Variants in GALNT1 observed in about 807,000 individuals in gnomAD.
GALNT1 encodes polypeptide N-acetylgalactosaminyltransferase 1, also known as GalNAc transferase 1.
GALNT1 carries 17 observed loss-of-function variants against 65.7 expected under a neutral mutation model. The ratio of observed to expected loss-of-function variants is 0.26; its 90% CI spans 0.18 to 0.39. The LOEUF is 0.39. GALNT1 is among the 10% of genes least tolerant of loss of function. GALNT1 has a pLI of 1.00. For synonymous variants in GALNT1, 210 were observed against 219.7 expected (o/e 0.96, Z 0.39); for missense variants, 460 against 672.8 (o/e 0.68, Z 3.50).
At chr18:35,709,496 C>T (rs1407818332) in intron 11 of GALNT1, 128 bp from the exon 12 acceptor site, 33 of 814,554 alleles carry the variant, frequency 4.1e-5, no homozygotes, top group Admixed American at 5.7e-5. Flanking sequence ...ACCTTTTCTC[C>T]GTTGTCTTTT....
chr18:35,614,766 A>G lies in GALNT1; in HGVS notation c.-104+32904A>G, dbSNP rs187143743. On this transcript the variant is annotated intron_variant, in intron 1 of 11. Coordinates refer to ENST00000269195, the MANE Select transcript of GALNT1 (RefSeq NM_020474.4). ...CATCCAGAATCTGCAAGGAATGCCAATTAATCAACAAGAAGATCATTATGG... is the reference window on the plus strand; with the variant it reads ...CATCCAGAATCTGCAAGGAATGCCAGTTAATCAACAAGAAGATCATTATGG... 8.6e-4 allele frequency among the ~76,000 whole-genome samples: 131 copies of G among 152,312 alleles called. 2 individuals are homozygous for G. The East Asian group carries it at 0.014, about 16-fold the overall frequency.
chr18:35,636,791 T>TTTTG (rs1388242007), intron 1 of GALNT1, among the ~76,000 whole-genome samples: 2 of 146,256 alleles, frequency 1.4e-5, no homozygotes, highest in African/African-American at 5.1e-5. Flanking sequence ...TTGTTTTTTT[T>TTTTG]TTTTTTTTTT....
chr18:35,632,175 T>C (rs2047022895), intron 1 of GALNT1, among the ~76,000 whole-genome samples: 1 of 152,198 alleles, frequency 6.6e-6, no homozygotes, highest in African/African-American at 2.4e-5. Context: ...CCAATGACTT[T>C]CTTCACAGAA....
At chr18:35,615,887 C>T (rs2046777794) in intron 1 of GALNT1, among the ~76,000 whole-genome samples, 1 of 152,162 alleles carries the variant, frequency 6.6e-6, no homozygotes, top group Non-Finnish European at 1.5e-5. Context: ...CAGAGGTTGG[C>T]AGACTTTTCT....
At chr18:35,692,406 A>G in intron 9 of GALNT1, 86 bp downstream of exon 9, 1 of 827,514 alleles carries the variant, frequency 1.2e-6, no homozygotes, top group Non-Finnish European at 1.7e-6. Context: ...TTAAACTTCC[A>G]ATAAGGAAAG....
rs551499146 is a variant in GALNT1 at position 35,650,527 on chromosome 18, G to A, written c.-103-4033G>A. Among the ~76,000 whole-genome samples, 3 of 152,314 alleles carry A rather than the reference G, an allele frequency of 2.0e-5. No homozygotes were observed. The East Asian group carries it at 5.8e-4, about 29-fold the overall frequency. ...TTTCCTCGTCCTAATAAGCCTGGGA[G>A]TGCTACGGGAGACCGGGGCTTATTT... On this transcript the variant is annotated intron_variant, in intron 1 of 11. Coordinates refer to ENST00000269195, the MANE Select transcript of GALNT1 (RefSeq NM_020474.4).
At chr18:35,685,275 T>C (rs2047850461) in intron 5 of GALNT1, among the ~76,000 whole-genome samples, 1 of 152,182 alleles carries the variant, frequency 6.6e-6, no homozygotes. Flanking sequence ...CATGACTGCT[T>C]GGTTTAGCGT....
intron 1 of GALNT1, among the ~76,000 whole-genome samples, chr18:35,612,343 A>ATTT (rs1338405132): frequency 2.0e-5 from 3 of 152,236 alleles, no homozygotes; most frequent in Non-Finnish European, 2.9e-5. Flanking sequence ...TAAAATTCAA[A>ATTT]AGAACTGCCT....
chr18:35,613,388 GTTAAAAATACTGGAC>G (rs1314210724), intron 1 of GALNT1, among the ~76,000 whole-genome samples: 1 of 152,170 alleles, frequency 6.6e-6, no homozygotes, highest in Non-Finnish European at 1.5e-5. Context: ...ATTATGAAAT[GTTAAAAATACTGGAC>G]TTAATATTCA....
chr18:35,708,632 G>A (rs558506438), intron 11 of GALNT1, among the ~76,000 whole-genome samples: 25 of 152,258 alleles, frequency 1.6e-4, no homozygotes, highest in Non-Finnish European at 3.1e-4. Context: ...GCACATTCCT[G>A]TATACAACTA....
At chr18:35,680,784 C>T (rs2047776053) in intron 4 of GALNT1, among the ~76,000 whole-genome samples, 2 of 152,226 alleles carry the variant, frequency 1.3e-5, no homozygotes, top group Admixed American at 1.3e-4. Flanking sequence ...CTGTATAAAT[C>T]CAGAGCCTGA....
At chr18:35,664,904 G>A (rs933640570) in intron 3 of GALNT1, among the ~76,000 whole-genome samples, 1 of 152,220 alleles carries the variant, frequency 6.6e-6, no homozygotes, top group Non-Finnish European at 1.5e-5. Flanking sequence ...CTAGAGAGAA[G>A]GGTAAGTACC....
At position 35,692,327 on chromosome 18, in the gene GALNT1, A is replaced by T. The variant is rs200609672; in HGVS notation, c.1299+7A>T. On this transcript the variant is annotated splice_region_variant and intron_variant, in intron 9 of 11. Transcript: ENST00000269195. ...CTATTTCTCATTGGGAGAGGTAAGA[A>T]ATATATATATATATATTCTATGTGG... The T allele has an allele frequency of 6.9e-7, 1 of 1,455,690 alleles. No homozygotes were observed. Among genetic ancestry groups the T allele is most frequent in the South Asian group, 1.2e-5 (1 of 81,798 alleles). The allele number at this position is 1,455,690 out of a possible 1,614,324, so 90.2% of individuals were successfully genotyped here. A position where few individuals can be genotyped will look rare whatever the true frequency, so the allele number is the denominator to read the frequency against.
chr18:35,630,300 G>T (rs951409390), intron 1 of GALNT1, among the ~76,000 whole-genome samples: 1 of 152,128 alleles, frequency 6.6e-6, no homozygotes, highest in African/African-American at 2.4e-5. Context: ...CACATAGTTG[G>T]AAGTAAAGCA....
intron 1 of GALNT1, among the ~76,000 whole-genome samples, chr18:35,599,724 A>G (rs185240947): frequency 6.6e-6 from 1 of 152,204 alleles, no homozygotes; most frequent in Non-Finnish European, 1.5e-5. Context: ...ATAGGGATCT[A>G]GCTTTATTCT....
At chr18:35,589,473 C>T (rs1216415081) in intron 1 of GALNT1, among the ~76,000 whole-genome samples, 1 of 152,096 alleles carries the variant, frequency 6.6e-6, no homozygotes, top group African/African-American at 2.4e-5. Flanking sequence ...TAGGATGTCC[C>T]TTTCTTGGTC....
At chr18:35,660,776 T>G (rs2047467829) in intron 2 of GALNT1, among the ~76,000 whole-genome samples, 2 of 152,222 alleles carry the variant, frequency 1.3e-5, no homozygotes. Flanking sequence ...GAAAATTAGT[T>G]TAATAGTCCA....
chr18:35,692,156 C>G (rs1381173337), intron 8 of GALNT1, 25 bp from the exon 9 acceptor site: 1 of 1,585,172 alleles, frequency 6.3e-7, no homozygotes, highest in Non-Finnish European at 8.6e-7. Context: ...ACTAATAATT[C>G]AGAGTCAATT....
chr18:35,665,040 C>T (rs2047529308), intron 3 of GALNT1, among the ~76,000 whole-genome samples: 1 of 152,232 alleles, frequency 6.6e-6, no homozygotes, highest in Non-Finnish European at 1.5e-5. Context: ...CTTATGGAAA[C>T]TCATAGTCAT....
Sources: allele counts gnomAD v4.1 joint callset (sites outside exome capture counted in the v4.1 genomes callset), GRCh38; gene constraint gnomAD v4.1.1; transcripts MANE v1.5; gene names NCBI Gene and HGNC (gene_info 2026-07-23, HGNC 2026-07-21).